Variants in SLC44A1 observed in about 807,000 individuals in gnomAD.
The protein encoded by SLC44A1 is solute carrier family 44 member 1.
SLC44A1 carries 26 observed loss-of-function variants against 79.3 expected under a neutral mutation model. That is an observed-to-expected ratio of 0.33 (90% CI 0.24 to 0.46). SLC44A1 has a LOEUF of 0.46. Ranked by LOEUF, SLC44A1 falls within the 20% of genes least tolerant of loss-of-function variation. The pLI, the probability that SLC44A1 is intolerant of heterozygous loss-of-function variation, is 1.00. For synonymous variants in SLC44A1, 263 were observed against 286.2 expected (o/e 0.92, Z 0.82); for missense variants, 688 against 798.1 (o/e 0.86, Z 1.66).
chr9:105,280,866 G>A (rs1675320102), intron 1 of SLC44A1, among the ~76,000 whole-genome samples: 1 of 152,230 alleles, frequency 6.6e-6, no homozygotes, highest in African/African-American at 2.4e-5. Context: ...TAAAGTCCAT[G>A]AGCAGAAGTT....
At position 105,390,158 on chromosome 9, in the gene SLC44A1, G is replaced by A; in HGVS notation, c.*1102G>A. On this transcript the variant is annotated 3_prime_UTR_variant, in exon 16 of 16. Transcript: ENST00000374720. ...AATGTTTTGATCCTCCAGTGTGACT[G>A]TTGTTTTTGTTTGGGGGTGGGTTTG... 8.3e-7 allele frequency: 1 copy of A among 1,208,496 alleles called. No individual in the cohort carries two copies. The highest frequency in any genetic ancestry group is 1.0e-6 in the Non-Finnish European group (1 of 969,982). 74.9% of individuals were successfully genotyped at this position (1,208,496 alleles called of 1,614,324 possible).
intron 3 of SLC44A1, among the ~76,000 whole-genome samples, chr9:105,310,699 T>C (rs1223814227): frequency 3.3e-5 from 5 of 152,204 alleles, no homozygotes; most frequent in Admixed American, 1.3e-4. Flanking sequence ...AGGAAGGTGG[T>C]ATGTAATAAC....
chr9:105,421,074 A>G (rs1829243124), intron 15 of SLC44A1, among the ~76,000 whole-genome samples: 1 of 152,198 alleles, frequency 6.6e-6, no homozygotes, highest in African/African-American at 2.4e-5. Context: ...ATATATTTTT[A>G]AAAGGCAGGT....
chr9:105,261,221 C>T (rs1588709172), intron 1 of SLC44A1, among the ~76,000 whole-genome samples: 1 of 152,004 alleles, frequency 6.6e-6, no homozygotes, highest in Non-Finnish European at 1.5e-5. Context: ...AAGCTAGAAC[C>T]CTCTGGGCCT....
intron 7 of SLC44A1, 66 bp downstream of exon 7, chr9:105,358,499 T>A (rs372154793): frequency 2.4e-6 from 2 of 850,230 alleles, no homozygotes; most frequent in South Asian, 2.9e-5. Flanking sequence ...AATAGAAATA[T>A]AAAGAAGAAA....
At chr9:105,322,074 A>G (rs1826410304) in intron 3 of SLC44A1, among the ~76,000 whole-genome samples, 1 of 152,226 alleles carries the variant, frequency 6.6e-6, no homozygotes, top group South Asian at 2.1e-4. Context: ...ATATATTGTA[A>G]GACAATGAAA....
chr9:105,354,039 CT>C (rs556502972), intron 5 of SLC44A1, among the ~76,000 whole-genome samples: 256 of 98,474 alleles, frequency 2.6e-3, no homozygotes, highest in African/African-American at 3.2e-3. Context: ...ACAGTTAATC[CT>C]TTTTTTTTTT....
At position 105,392,964 on chromosome 9, in the gene SLC44A1, A is replaced by AAAC. The variant is rs371891288; in HGVS notation, c.*3920_*3922dup. The stretch of plus-strand genomic sequence containing the variant: ...CTTTTCTACTGCTACTTTAAAAAAA[A>AAAC]AACAACAACAACAAATAAAACTCTC... On this transcript the variant is annotated 3_prime_UTR_variant, in exon 16 of 16. Coordinates refer to ENST00000374720, the MANE Select transcript of SLC44A1 (RefSeq NM_080546.5). The AAAC allele has an allele frequency of 1.0e-6, 1 of 962,262 alleles. No individual in the cohort carries two copies. The highest frequency in any genetic ancestry group is 1.2e-6 in the Non-Finnish European group (1 of 808,176). The allele number at this position is 962,262 out of a possible 1,614,324, so 59.6% of individuals were successfully genotyped here.
chr9:105,256,655 T>C (rs1177680812), intron 1 of SLC44A1, among the ~76,000 whole-genome samples: 2 of 151,478 alleles, frequency 1.3e-5, no homozygotes, highest in Non-Finnish European at 2.9e-5. Flanking sequence ...ATCAATCTCC[T>C]GGGCTCAAGC....
chr9:105,347,738 A>C (rs1215113150), intron 4 of SLC44A1, among the ~76,000 whole-genome samples: 1 of 152,064 alleles, frequency 6.6e-6, no homozygotes, highest in Non-Finnish European at 1.5e-5. Context: ...AATCACTTTT[A>C]TCAATTTATC....
At chr9:105,333,220 C>T (rs536615495) in intron 3 of SLC44A1, among the ~76,000 whole-genome samples, 1 of 152,148 alleles carries the variant, frequency 6.6e-6, no homozygotes, top group East Asian at 1.9e-4. Context: ...CTAGGCCCAG[C>T]AGCAAGGCCC....
chr9:105,375,690 G>T (rs1226869014), intron 13 of SLC44A1, among the ~76,000 whole-genome samples: 2 of 152,074 alleles, frequency 1.3e-5, no homozygotes, highest in Non-Finnish European at 2.9e-5. Context: ...GTTAGAGAAC[G>T]AGACTTATAC....
At position 105,259,368 on chromosome 9, in the gene SLC44A1, TTATTAA is replaced by T. The variant is rs557045763; in HGVS notation, c.36+14469_36+14474del. 2.3e-3 allele frequency among the ~76,000 whole-genome samples: 357 copies of T among 152,272 alleles called. 1 individual carries two copies. Among genetic ancestry groups the T allele is most frequent in the African/African-American group, 7.3e-3 (305 of 41,554 alleles). ...AGGGTTAATATAATTGATGCTTGTG[TTATTAA>T]TATTGAGTGCCAACAAGGCTCTGGA... On this transcript the variant is annotated intron_variant, in intron 1 of 15. Transcript: ENST00000374720.
In SLC44A1 at chr9:105,408,084, G is replaced by A. The variant is rs180752103; in HGVS notation, c.1950+22582G>A. On this transcript the variant is annotated intron_variant, in intron 15 of 15. Coordinates refer to the SLC44A1 transcript ENST00000374724. ...CAGGAGAATTGCTTGAACCTGGGAGGCGGAGGCTGCTGTGAGCCGAGATCT... is the reference window on the plus strand; with the variant it reads ...CAGGAGAATTGCTTGAACCTGGGAGACGGAGGCTGCTGTGAGCCGAGATCT... Among the ~76,000 whole-genome samples, 259 of 152,142 alleles carry A rather than the reference G, an allele frequency of 1.7e-3. 1 individual carries two copies. Among genetic ancestry groups the A allele is most frequent in the African/African-American group, 5.9e-3 (246 of 41,490 alleles).
intron 15 of SLC44A1, among the ~76,000 whole-genome samples, chr9:105,418,934 T>G (rs1481116283): frequency 6.6e-6 from 1 of 152,224 alleles, no homozygotes; most frequent in East Asian, 1.9e-4. Context: ...ACAACATTTT[T>G]GGGGACAGTC....
At chr9:105,434,285 G>A (rs2131528232) in intron 15 of SLC44A1, among the ~76,000 whole-genome samples, 1 of 152,086 alleles carries the variant, frequency 6.6e-6, no homozygotes, top group African/African-American at 2.4e-5. Context: ...AGGTTGCAGT[G>A]AGCCGAGACT....
rs551717571 is a variant in SLC44A1, at chr9:105,431,975, T to C, written c.1951-6306T>C. Among the ~76,000 whole-genome samples the C allele has an allele frequency of 7.2e-5, 11 of 152,344 alleles. No homozygotes were observed. In the East Asian group the frequency reaches 2.1e-3, roughly 29 times the overall value. ...TCTCACTCTGTTGCCCAGGCTTTAG[T>C]GCAGTGGCGCAATCTTGGCTCACTG... On this transcript the variant is annotated intron_variant, in intron 15 of 15. Transcript: ENST00000374724.
intron 1 of SLC44A1, 73 bp downstream of exon 1, chr9:105,244,977 C>T (rs1829393409): frequency 3.0e-6 from 2 of 672,526 alleles, no homozygotes; most frequent in Admixed American, 5.0e-5. Flanking sequence ...GGGCGCCCGC[C>T]GCCCGATACC....
At chr9:105,310,886 G>T (rs1053833741) in intron 3 of SLC44A1, among the ~76,000 whole-genome samples, 2 of 152,200 alleles carry the variant, frequency 1.3e-5, no homozygotes, top group Non-Finnish European at 1.5e-5. Context: ...GTAAATAACA[G>T]CGATGAGTGT....
Sources: allele counts gnomAD v4.1 joint callset (sites outside exome capture counted in the v4.1 genomes callset), GRCh38; gene constraint gnomAD v4.1.1; transcripts MANE v1.5; gene names NCBI Gene and HGNC (gene_info 2026-07-23, HGNC 2026-07-21).